Variants in TCF20 observed in about 807,000 individuals in gnomAD.
TCF20 encodes transcription factor 20.
Under a neutral mutation model 148.6 loss-of-function variants are expected in TCF20, and 3 were observed. The observed-to-expected ratio is 0.02, with a 90% CI of 0.01 to 0.05. The LOEUF (loss-of-function observed/expected upper bound fraction) is 0.05, where lower values mean the gene tolerates loss of function less well. TCF20 is among the 10% of genes least tolerant of loss of function. The pLI, the probability that TCF20 is intolerant of heterozygous loss-of-function variation, is 1.00. For missense variants in TCF20, 2,350 were observed against 2,429.3 expected, an observed-to-expected ratio of 0.97 and a Z score of 0.69; for synonymous variants, 1,049 against 909.5, an observed-to-expected ratio of 1.15 and a Z score of -2.76.
chr22:42,323,828 T>C (rs1336804901), intron 1 of TCF20, among the ~76,000 whole-genome samples: 2 of 150,350 alleles, frequency 1.3e-5, no homozygotes, highest in African/African-American at 4.9e-5. Flanking sequence ...GCTGTTGCGG[T>C]GGTCGCGGTG....
chr22:42,213,585 C>G lies in TCF20; in HGVS notation c.1721G>C (p.Ser574Thr), dbSNP rs1921288467. The change falls in exon 2 of 6, where the codon AGT becomes ACT. Residue 574 changes from serine to threonine, a missense_variant. Physicochemically the swap from Ser to Thr is moderately conservative, Grantham distance 58. Around this residue, in one of 7 missense-constraint regions of TCF20, gnomAD observed 1,641 missense variants for 1,662.6 expected, o/e 0.99. Transcript: ENST00000677622. ...GGTGGCCTCTTCTCTTGCGGCAGGA[C>G]TAGCATTGAGTCTGGGGGGTTCATT... ...AQNEPPRLNA[S>T]PAAREEATSP... 6.2e-7 allele frequency: 1 copy of G among 1,614,034 alleles called. No homozygotes were observed. The highest frequency in any genetic ancestry group is 8.5e-7 in the Non-Finnish European group (1 of 1,180,046).
At chr22:42,257,154 T>G (rs541213931) in intron 1 of TCF20, among the ~76,000 whole-genome samples, 28 of 152,288 alleles carry the variant, frequency 1.8e-4, no homozygotes, top group African/African-American at 6.5e-4. Flanking sequence ...TGCAACATCC[T>G]GTCTCAAAAA....
At chr22:42,191,196 A>G (rs1377854373) in intron 2 of TCF20, among the ~76,000 whole-genome samples, 1 of 152,232 alleles carries the variant, frequency 6.6e-6, no homozygotes, top group Non-Finnish European at 1.5e-5. Flanking sequence ...TAATGTTAAT[A>G]TGAAGTCTCA....
In TCF20 at chr22:42,299,928, C is replaced by T. The variant is rs1202243418; in HGVS notation, c.-37+43551G>A. On this transcript the variant is annotated intron_variant, in intron 1 of 1. Transcript: ENST00000515426. The surrounding 1 kb of genome is among the most constrained non-coding windows in gnomAD (Gnocchi z 4.1). ...GGTGGAGGAGGAGGGGGAAAGGGAG[C>T]AGAGGAAGAAAGGAGAGGAGGGGAA... 8.2e-6 allele frequency among the ~76,000 whole-genome samples: 1 copy of T among 122,180 alleles called. No homozygotes were observed. Among genetic ancestry groups the T allele is most frequent in the Non-Finnish European group, 1.6e-5 (1 of 62,496 alleles). The allele number at this position is 122,180 out of a possible 152,430, so 80.2% of individuals were successfully genotyped here. A position where few individuals can be genotyped will look rare whatever the true frequency, so the allele number is the denominator to read the frequency against.
chr22:42,257,302 T>C (rs1311386132), intron 1 of TCF20, among the ~76,000 whole-genome samples: 1 of 152,244 alleles, frequency 6.6e-6, no homozygotes, highest in Non-Finnish European at 1.5e-5. Context: ...CTCTGGATTT[T>C]TTCCCCTATT....
chr22:42,200,257 C>T (rs1241122726), intron 2 of TCF20, among the ~76,000 whole-genome samples: 1 of 152,160 alleles, frequency 6.6e-6, no homozygotes, highest in Non-Finnish European at 1.5e-5. Flanking sequence ...CCCCTCACCT[C>T]GCCCACTGAC....
In TCF20 at chr22:42,210,536, C is replaced by A. The variant is rs148751732; in HGVS notation, c.4770G>T (p.Gly1590=). The change falls in exon 2 of 6, where the codon GGG becomes GGT. Residue 1590 remains glycine, a synonymous_variant. Transcript: ENST00000677622. The surrounding 1 kb of genome is among the most constrained non-coding windows in gnomAD (Gnocchi z 4.7). ...QRQRRERRKP[G]AQPRKRKTKQ... is the part of the protein sequence containing the mutation. ...TGGTTTTTCGCTTCCTCGGCTGGGC[C>A]CCAGGCTTCCTTCTCTCCCTCCTTT... 1.2e-6 allele frequency: 2 copies of A among 1,614,128 alleles called. No individual in the cohort carries two copies. Among genetic ancestry groups the A allele is most frequent in the Middle Eastern group, 3.3e-4 (2 of 6,062 alleles).
intron 1 of TCF20, among the ~76,000 whole-genome samples, chr22:42,242,062 C>T (rs764147789): frequency 2.0e-5 from 3 of 151,200 alleles, no homozygotes; most frequent in Non-Finnish European, 2.9e-5. Context: ...ATTAGCCAGG[C>T]GTGGTAATAA....
At chr22:42,198,867 G>A (rs1937777374) in intron 2 of TCF20, among the ~76,000 whole-genome samples, 2 of 152,070 alleles carry the variant, frequency 1.3e-5, no homozygotes, top group Non-Finnish European at 1.5e-5. Context: ...GTTTCACTGT[G>A]TTGGCCAGGC....
intron 1 of TCF20, among the ~76,000 whole-genome samples, chr22:42,247,518 G>A (rs2147335550): frequency 6.6e-6 from 1 of 152,112 alleles, no homozygotes; most frequent in Middle Eastern, 3.4e-3. Flanking sequence ...GGCACCTCTG[G>A]GGACACCGAG....
rs1168418904 is a variant in TCF20, at chr22:42,179,646, G to A, written c.5712C>T (p.Cys1904=). 1 of 1,614,182 alleles carries A rather than the reference G, an allele frequency of 6.2e-7. No individual in the cohort carries two copies. The highest frequency in any genetic ancestry group is 1.7e-5 in the Admixed American group (1 of 60,018). Residue 1904 remains cysteine (C), a synonymous_variant, in exon 3 of 6, where the codon TGC becomes TGT. Coordinates refer to ENST00000677622, the MANE Select transcript of TCF20 (RefSeq NM_001378418.1). ...GATLGCYNKG[C]SFRYHYPCAI... ...CACACGGGTAATGGTATCGGAAGGA[G>A]CAGCCTTTGTTGTAGCAGCCCAAGG...
chr22:42,341,772 G>A (rs1184651419), intron 1 of TCF20, among the ~76,000 whole-genome samples: 2 of 152,016 alleles, frequency 1.3e-5, no homozygotes, highest in Non-Finnish European at 2.9e-5. Flanking sequence ...CTGGATCAGC[G>A]GGGTGGGCGG....
chr22:42,250,120 G>A (rs1026593552), intron 1 of TCF20, among the ~76,000 whole-genome samples: 10 of 152,174 alleles, frequency 6.6e-5, no homozygotes, highest in Admixed American at 5.9e-4. Flanking sequence ...GGGCAACATA[G>A]CTAGAAGACT....
chr22:42,172,458 C>A (rs1936189241), intron 3 of TCF20, among the ~76,000 whole-genome samples: 1 of 152,218 alleles, frequency 6.6e-6, no homozygotes, highest in Non-Finnish European at 1.5e-5. Context: ...GTCAGCACTT[C>A]TGCATAGTGA....
At position 42,219,355 on chromosome 22, in the gene TCF20, C is replaced by CAAAAAAAAAAA. The variant is rs528664836; in HGVS notation, c.-36-4025_-36-4015dup. The stretch of plus-strand genomic sequence containing the variant: ...ACCCTGGGTGACAGTAACCCTGTCT[C>CAAAAAAAAAAA]AAAAAAAAAAAAAAAAAAAAAAAAA... On this transcript the variant is annotated intron_variant, in intron 1 of 5. Coordinates refer to ENST00000677622, the MANE Select transcript of TCF20 (RefSeq NM_001378418.1). Among the ~76,000 whole-genome samples the CAAAAAAAAAAA allele has an allele frequency of 9.6e-3, 417 of 43,532 alleles. 74 individuals carry two copies. Among genetic ancestry groups the CAAAAAAAAAAA allele is most frequent in the African/African-American group, 0.033 (333 of 10,164 alleles). The allele number at this position is 43,532 out of a possible 152,430, so 28.6% of individuals were successfully genotyped here. A position where few individuals can be genotyped will look rare whatever the true frequency, so the allele number is the denominator to read the frequency against.
intron 1 of TCF20, among the ~76,000 whole-genome samples, chr22:42,307,567 T>G (rs1927457977): frequency 6.6e-6 from 1 of 152,272 alleles, no homozygotes; most frequent in African/African-American, 2.4e-5. Context: ...ATGTACATTC[T>G]GAAGCACTAA....
chr22:42,265,601 T>G (rs1926242746), intron 1 of TCF20, among the ~76,000 whole-genome samples: 1 of 152,112 alleles, frequency 6.6e-6, no homozygotes, highest in South Asian at 2.1e-4. Flanking sequence ...CTTTTTTACC[T>G]CCACAAAAAG....
chr22:42,209,860 T>C lies in TCF20; in HGVS notation c.5446A>G (p.Ser1816Gly), dbSNP rs531202529. 1.9e-6 allele frequency: 3 copies of C among 1,614,232 alleles called. No homozygotes were observed. The highest frequency in any genetic ancestry group is 2.7e-5 in the African/African-American group (2 of 75,058). Residue 1816 changes from serine to glycine, a missense_variant, in exon 2 of 6, where the codon AGC (serine) becomes GGC (glycine). This residue lies in a region of TCF20 where 374 missense variants were observed against 398.3 expected (regional missense o/e 0.94). Coordinates refer to ENST00000677622, the MANE Select transcript of TCF20 (RefSeq NM_001378418.1). Reference sequence around the variant, plus strand: ...GAGTCCAAAACAGTCTTTTCACTGCTGCCCTCAGTGGCTGCTTTTTTACAA... The same window carrying C: ...GAGTCCAAAACAGTCTTTTCACTGCCGCCCTCAGTGGCTGCTTTTTTACAA... ...LPCKKAATEG[S>G]SEKTVLDSKP...
intron 1 of TCF20, among the ~76,000 whole-genome samples, chr22:42,232,700 G>A (rs1295622970): frequency 6.6e-6 from 1 of 151,640 alleles, no homozygotes; most frequent in African/African-American, 2.4e-5. Context: ...GCGTGGTGGC[G>A]GGCACCTGTG....
Sources: gnomAD v4.1 joint callset for allele counts (sites outside exome capture counted in the v4.1 genomes callset) on GRCh38, gnomAD v4.1.1 for gene constraint, gnomAD v4.1.1 regional missense constraint, Gnocchi (gnomAD v3.1) non-coding constraint, MANE v1.5 for transcripts, NCBI Gene and HGNC (gene_info 2026-07-23, HGNC 2026-07-21) for gene names.